Variants in GRIN2D observed in about 807,000 individuals in gnomAD.
GRIN2D encodes glutamate receptor ionotropic, NMDA 2D.
A neutral mutation model predicts 103.2 loss-of-function variants in GRIN2D; 37 were observed. That is an observed-to-expected ratio of 0.36 (90% CI 0.28 to 0.47). The LOEUF (loss-of-function observed/expected upper bound fraction) is 0.47. Among genes scored for constraint, GRIN2D ranks in the 20% least tolerant of loss-of-function variants. The probability of loss-of-function intolerance (pLI) is 1.00; values close to 1 mark genes in which losing one functional copy is unlikely to be tolerated. For missense variants in GRIN2D, 1,557 were observed against 1,910.6 expected (o/e 0.81, Z 3.45); for synonymous variants, 845 against 885.6 (o/e 0.95, Z 0.81).
intron 11 of GRIN2D, among the ~76,000 whole-genome samples, chr19:48,431,044 C>A (rs555494879): frequency 6.6e-6 from 1 of 152,062 alleles, no homozygotes; most frequent in Non-Finnish European, 1.5e-5. Flanking sequence ...GTCTCAAATT[C>A]CTGGCCTCAA....
In GRIN2D at chr19:48,442,426, C is replaced by A; in HGVS notation, c.2673+44C>A. 6.4e-7 allele frequency: 1 copy of A among 1,572,034 alleles called. No individual in the cohort carries two copies. ...GGCAGAGAGGGGGAGATGGCAGGGGCGGGGACAAAGGTAAAGCCGAGCAGA... is the reference window on the plus strand; with the variant it reads ...GGCAGAGAGGGGGAGATGGCAGGGGAGGGGACAAAGGTAAAGCCGAGCAGA... On this transcript the variant is annotated intron_variant, in intron 13 of 13. Transcript: ENST00000263269. The surrounding 1 kb of genome is among the most constrained non-coding windows in gnomAD (Gnocchi z 7.2).
chr19:48,425,203 A>C (rs1052650090), intron 11 of GRIN2D, among the ~76,000 whole-genome samples: 2 of 136,398 alleles, frequency 1.5e-5, no homozygotes, highest in African/African-American at 5.5e-5. Context: ...GCAGTGGGAG[A>C]GCAAGAATTC....
chr19:48,409,091 G>C (rs564690818), intron 4 of GRIN2D, among the ~76,000 whole-genome samples: 1 of 152,046 alleles, frequency 6.6e-6, no homozygotes, highest in South Asian at 2.1e-4. Flanking sequence ...ATCATTACAT[G>C]AGGGAAGGCA....
At chr19:48,424,052 G>A (rs1971055494) in intron 11 of GRIN2D, among the ~76,000 whole-genome samples, 1 of 151,584 alleles carries the variant, frequency 6.6e-6, no homozygotes, top group African/African-American at 2.4e-5. Context: ...CTCCTGACAT[G>A]AGGTGATCTG....
At chr19:48,431,925 T>C (rs1350185979) in intron 11 of GRIN2D, among the ~76,000 whole-genome samples, 1 of 150,266 alleles carries the variant, frequency 6.7e-6, no homozygotes, top group Non-Finnish European at 1.5e-5. Context: ...TTATTTTTTA[T>C]TTTTTTGAGA....
At chr19:48,412,847 A>G (rs573607177) in intron 4 of GRIN2D, among the ~76,000 whole-genome samples, 39 of 147,218 alleles carry the variant, frequency 2.6e-4, no homozygotes, top group Non-Finnish European at 4.2e-4. Flanking sequence ...AAAAAAAGAA[A>G]GAGGAGGGCA....
intron 3 of GRIN2D, among the ~76,000 whole-genome samples, chr19:48,400,358 T>A (rs1382782589): frequency 1.3e-5 from 2 of 152,214 alleles, no homozygotes; most frequent in African/African-American, 4.8e-5. Context: ...ACTGCATCAC[T>A]GTTGTATGCA....
At position 48,407,420 on chromosome 19, in the gene GRIN2D, C is replaced by T. The variant is rs545008822; in HGVS notation, c.1085+2067C>T. Among the ~76,000 whole-genome samples the T allele has an allele frequency of 7.9e-5, 12 of 152,270 alleles. No individual in the cohort carries two copies. The South Asian group carries it at 2.1e-3, about 26-fold the overall frequency. On this transcript the variant is annotated intron_variant, in intron 4 of 13. Coordinates refer to ENST00000263269, the MANE Select transcript of GRIN2D (RefSeq NM_000836.4). ...CAGAATTTCTTCTCCCTCATAACTTCAGCTCTTGCTGGTCACAACTCATCC... is the reference window on the plus strand; with the variant it reads ...CAGAATTTCTTCTCCCTCATAACTTTAGCTCTTGCTGGTCACAACTCATCC...
chr19:48,443,992 G>C lies in GRIN2D; in HGVS notation c.*55G>C. 8.2e-7 allele frequency: 1 copy of C among 1,213,480 alleles called. No homozygotes were observed. The highest frequency in any genetic ancestry group is 1.9e-5 in the South Asian group (1 of 52,046). 75.2% of individuals were successfully genotyped at this position (1,213,480 alleles called of 1,614,324 possible). ...GGTCAGCGCAGGCCACGGCCCGAGGGGGCGCCCGCAGTGGACAGGACCCGC... is the reference window on the plus strand; with the variant it reads ...GGTCAGCGCAGGCCACGGCCCGAGGCGGCGCCCGCAGTGGACAGGACCCGC... On this transcript the variant is annotated 3_prime_UTR_variant, in exon 14 of 14. Transcript: ENST00000263269. The surrounding 1 kb of genome is among the most constrained non-coding windows in gnomAD (Gnocchi z 8.9).
chr19:48,436,291 C>A (rs1799284), intron 11 of GRIN2D, among the ~76,000 whole-genome samples: 1 of 151,906 alleles, frequency 6.6e-6, no homozygotes, highest in East Asian at 1.9e-4. Context: ...GACTCACAGG[C>A]GGTCGAAGTG....
At chr19:48,409,195 G>A (rs1212681008) in intron 4 of GRIN2D, among the ~76,000 whole-genome samples, 2 of 151,222 alleles carry the variant, frequency 1.3e-5, no homozygotes, top group Admixed American at 6.6e-5. Context: ...GGGTACTGGA[G>A]CCCCATGACC....
chr19:48,400,549 C>A (rs1052506319), intron 3 of GRIN2D, among the ~76,000 whole-genome samples: 2 of 152,198 alleles, frequency 1.3e-5, no homozygotes, highest in Admixed American at 6.5e-5. Flanking sequence ...GCCTTCATTG[C>A]TGCTGAGAAG....
At chr19:48,401,268 A>G (rs901090064) in intron 3 of GRIN2D, among the ~76,000 whole-genome samples, 36 of 151,616 alleles carry the variant, frequency 2.4e-4, no homozygotes, top group Non-Finnish European at 4.0e-4. Context: ...GGGGGGGGAA[A>G]AAAAGAGAGG....
chr19:48,424,562 G>A (rs563261724), intron 11 of GRIN2D, among the ~76,000 whole-genome samples: 11 of 152,096 alleles, frequency 7.2e-5, no homozygotes, highest in East Asian at 3.9e-4. Flanking sequence ...GAGCCACCGC[G>A]CCTGGCTGGA....
intron 3 of GRIN2D, among the ~76,000 whole-genome samples, chr19:48,399,980 C>T (rs1970690220): frequency 1.3e-5 from 2 of 151,950 alleles, no homozygotes; most frequent in Admixed American, 1.3e-4. Flanking sequence ...GGGGCATACC[C>T]CGCTGTGAGG....
chr19:48,407,289 T>G (rs2147443814), intron 4 of GRIN2D, among the ~76,000 whole-genome samples: 1 of 152,182 alleles, frequency 6.6e-6, no homozygotes, highest in South Asian at 2.1e-4. Context: ...GTCTTTCTTA[T>G]TCTATGCTTT....
intron 11 of GRIN2D, among the ~76,000 whole-genome samples, chr19:48,430,816 TTTTTC>T (rs1971146947): frequency 1.3e-5 from 2 of 149,242 alleles, no homozygotes; most frequent in Middle Eastern, 3.2e-3. Flanking sequence ...TCTTTTTTCT[TTTTTC>T]TTTTTTTTTT....
intron 7 of GRIN2D, among the ~76,000 whole-genome samples, chr19:48,415,778 G>A (rs1970939832): frequency 1.3e-5 from 2 of 152,022 alleles, no homozygotes; most frequent in Non-Finnish European, 2.9e-5. Flanking sequence ...GAGCAGCCGG[G>A]TAGGACGCGG....
chr19:48,416,212 C>G, intron 8 of GRIN2D, 57 bp downstream of exon 8: 1 of 1,508,784 alleles, frequency 6.6e-7, no homozygotes, highest in Non-Finnish European at 9.1e-7. Flanking sequence ...CGTCCCCAAC[C>G]GTGTGGGCCC....
Sources: gnomAD v4.1 joint callset for allele counts (sites outside exome capture counted in the v4.1 genomes callset) on GRCh38, gnomAD v4.1.1 for gene constraint, Gnocchi (gnomAD v3.1) non-coding constraint, MANE v1.5 for transcripts, NCBI Gene and HGNC (gene_info 2026-07-23, HGNC 2026-07-21) for gene names.